Variants in RAP1GDS1 observed in about 807,000 individuals in gnomAD.
RAP1GDS1 encodes RAP1, GTP-GDP dissociation stimulator 1.
RAP1GDS1 carries 35 observed loss-of-function variants against 71.1 expected under a neutral mutation model. That is an observed-to-expected ratio of 0.49 (90% CI 0.38 to 0.65). The LOEUF (loss-of-function observed/expected upper bound fraction) is 0.65, where lower values mean the gene tolerates loss of function less well. Among genes scored for constraint, RAP1GDS1 ranks in the 30% least tolerant of loss-of-function variants. The pLI is 0.00. For synonymous variants in RAP1GDS1, 229 were observed against 243.1 expected, an observed-to-expected ratio of 0.94 and a Z score of 0.54; for missense variants, 663 against 706.1, an observed-to-expected ratio of 0.94 and a Z score of 0.69.
chr4:98,420,399 T>C (rs1308163466), intron 11 of RAP1GDS1, among the ~76,000 whole-genome samples: 1 of 151,954 alleles, frequency 6.6e-6, no homozygotes, highest in African/African-American at 2.4e-5. Flanking sequence ...AGAGTCTTGT[T>C]CTGTCACCCA....
At chr4:98,440,134 T>TTA (rs1489449153) in intron 14 of RAP1GDS1, among the ~76,000 whole-genome samples, 2 of 152,260 alleles carry the variant, frequency 1.3e-5, no homozygotes, top group Non-Finnish European at 2.9e-5. Flanking sequence ...TCTTTAAGGC[T>TTA]TATCTGCATT....
chr4:98,325,679 A>G (rs1732920747), intron 2 of RAP1GDS1, among the ~76,000 whole-genome samples: 2 of 148,986 alleles, frequency 1.3e-5, no homozygotes, highest in Admixed American at 1.3e-4. Context: ...AGAACAAAAA[A>G]CCAAACACCG....
chr4:98,441,270 A>T, intron 14 of RAP1GDS1: 1 of 891,434 alleles, frequency 1.1e-6, no homozygotes, highest in Non-Finnish European at 1.3e-6. Flanking sequence ...CTCATCCCAT[A>T]TAACAGTTCT....
chr4:98,438,951 G>A lies in RAP1GDS1; in HGVS notation c.1696+1883G>A, dbSNP rs541863197. Among the ~76,000 whole-genome samples the A allele has an allele frequency of 7.2e-4, 110 of 152,198 alleles. 1 individual carries two copies. The highest frequency in any genetic ancestry group is 2.4e-3 in the African/African-American group (100 of 41,526). ...TTCTTCTACATATATTTAGAATCAC[G>A]TTAGACAGTGTTACAACTTTTCTTT... On this transcript the variant is annotated intron_variant, in intron 14 of 14. Transcript: ENST00000408927.
intron 5 of RAP1GDS1, among the ~76,000 whole-genome samples, chr4:98,389,781 G>C (rs1471623594): frequency 6.6e-6 from 1 of 152,158 alleles, no homozygotes; most frequent in Non-Finnish European, 1.5e-5. Context: ...AAGCAGTCCA[G>C]AAAAGTGATA....
chr4:98,320,428 G>A (rs572026403), intron 2 of RAP1GDS1, among the ~76,000 whole-genome samples: 59 of 150,570 alleles, frequency 3.9e-4, no homozygotes, highest in African/African-American at 1.4e-3. Flanking sequence ...ATGATTCAGT[G>A]TAGGGGGGAG....
intron 2 of RAP1GDS1, among the ~76,000 whole-genome samples, chr4:98,324,576 T>G (rs1337221998): frequency 3.4e-5 from 5 of 145,042 alleles, no homozygotes; most frequent in Non-Finnish European, 7.4e-5. Context: ...AACAGAGATA[T>G]AGATCAATGG....
intron 1 of RAP1GDS1, among the ~76,000 whole-genome samples, chr4:98,276,646 C>G (rs1373870922): frequency 6.6e-6 from 1 of 151,980 alleles, no homozygotes; most frequent in African/African-American, 2.4e-5. Context: ...ATAACAAAGA[C>G]AGCAGCAAAA....
chr4:98,307,128 A>G (rs558064716), intron 2 of RAP1GDS1, among the ~76,000 whole-genome samples: 6 of 148,768 alleles, frequency 4.0e-5, no homozygotes, highest in Non-Finnish European at 9.0e-5. Context: ...ACTTAATTGT[A>G]TTTTTTTTTT....
At chr4:98,319,810 G>T (rs1455849075) in intron 2 of RAP1GDS1, among the ~76,000 whole-genome samples, 4 of 149,748 alleles carry the variant, frequency 2.7e-5, no homozygotes, top group Admixed American at 6.7e-5. Context: ...GAGAGAAATT[G>T]GCGTTTGAAC....
intron 10 of RAP1GDS1, among the ~76,000 whole-genome samples, 199 bp downstream of exon 10, chr4:98,418,990 T>C (rs920354515): frequency 2.0e-5 from 3 of 152,248 alleles, no homozygotes; most frequent in African/African-American, 7.2e-5. Context: ...ACAAGAATAA[T>C]CTTTGCCTTC....
chr4:98,408,745 T>C (rs1746545975), intron 7 of RAP1GDS1, among the ~76,000 whole-genome samples: 1 of 152,162 alleles, frequency 6.6e-6, no homozygotes, highest in South Asian at 2.1e-4. Flanking sequence ...ATATTTGAAA[T>C]GCAACTAGTA....
At chr4:98,407,726 T>C (rs1746356003) in intron 7 of RAP1GDS1, among the ~76,000 whole-genome samples, 1 of 152,070 alleles carries the variant, frequency 6.6e-6, no homozygotes, top group South Asian at 2.1e-4. Flanking sequence ...TTAGGTACAG[T>C]GTACACTATT....
Position 98,443,307 on chromosome 4 carries a change from A to G in RAP1GDS1, c.*1190A>G, listed in dbSNP as rs1752104381. The G allele has an allele frequency of 4.3e-6, 1 of 231,982 alleles. No homozygotes were observed. Among genetic ancestry groups the G allele is most frequent in the South Asian group, 1.8e-4 (1 of 5,510 alleles). 14.4% of individuals were successfully genotyped at this position (231,982 alleles called of 1,614,324 possible). A position where few individuals can be genotyped will look rare whatever the true frequency, so the allele number is the denominator to read the frequency against. Reference sequence around the variant, plus strand: ...AAAGGATATGAGAAAGCCAAGACTCAAGAGATGAGAAGACCCCCTTGGCGA... The same window carrying G: ...AAAGGATATGAGAAAGCCAAGACTCGAGAGATGAGAAGACCCCCTTGGCGA... On this transcript the variant is annotated 3_prime_UTR_variant, in exon 15 of 15. Transcript: ENST00000408927.
chr4:98,410,895 G>A (rs1746968107), intron 7 of RAP1GDS1, among the ~76,000 whole-genome samples: 2 of 152,168 alleles, frequency 1.3e-5, no homozygotes, highest in Admixed American at 6.5e-5. Flanking sequence ...ACAAATGAAG[G>A]AAGGGGTTTG....
At chr4:98,376,201 T>C (rs970774158) in intron 4 of RAP1GDS1, among the ~76,000 whole-genome samples, 2 of 152,064 alleles carry the variant, frequency 1.3e-5, no homozygotes, top group African/African-American at 2.4e-5. Flanking sequence ...CATAATTAAA[T>C]GAGGAAAATT....
intron 6 of RAP1GDS1, among the ~76,000 whole-genome samples, chr4:98,399,814 T>C (rs928772193): frequency 2.0e-5 from 3 of 151,966 alleles, no homozygotes; most frequent in African/African-American, 7.3e-5. Flanking sequence ...AAAAAAGAAC[T>C]CACACTGGGA....
chr4:98,337,979 C>G (rs1388633225), intron 2 of RAP1GDS1, among the ~76,000 whole-genome samples: 3 of 152,036 alleles, frequency 2.0e-5, no homozygotes, highest in Admixed American at 6.6e-5. Flanking sequence ...GAAGTTTATT[C>G]TTATACTATT....
intron 2 of RAP1GDS1, among the ~76,000 whole-genome samples, chr4:98,334,832 T>TA (rs924100227): frequency 6.9e-6 from 1 of 145,742 alleles, no homozygotes; most frequent in African/African-American, 2.5e-5. Context: ...CTTTAATACT[T>TA]TTTTTTTTTT....
Sources: allele counts gnomAD v4.1 joint callset (sites outside exome capture counted in the v4.1 genomes callset), GRCh38; gene constraint gnomAD v4.1.1; transcripts MANE v1.5; gene names NCBI Gene and HGNC (gene_info 2026-07-23, HGNC 2026-07-21).